SFMBT2: variants seen among roughly 807,000 people sequenced by gnomAD.
SFMBT2 encodes scm-like with four MBT domains protein 2.
SFMBT2 carries 38 observed loss-of-function variants against 110.1 expected under a neutral mutation model. That is an observed-to-expected ratio of 0.35 (90% confidence interval 0.27 to 0.45). SFMBT2 has a LOEUF of 0.45. Among genes scored for constraint, SFMBT2 ranks in the 20% least tolerant of loss-of-function variants. The probability of loss-of-function intolerance (pLI) is 1.00; values close to 1 mark genes in which losing one functional copy is unlikely to be tolerated. For missense variants in SFMBT2, 1,011 were observed against 1,094.9 expected, an observed-to-expected ratio of 0.92 and a Z score of 1.08; for synonymous variants, 425 against 425.4, an observed-to-expected ratio of 1.00 and a Z score of 0.01.
intron 1 of SFMBT2, among the ~76,000 whole-genome samples, chr10:7,383,316 C>A (rs1165941036): frequency 6.6e-6 from 1 of 151,936 alleles, no homozygotes; most frequent in Non-Finnish European, 1.5e-5. Context: ...TCAGCCTGGG[C>A]AATGTATTGA....
At chr10:7,316,795 C>T (rs1315243858) in intron 4 of SFMBT2, among the ~76,000 whole-genome samples, 1 of 152,122 alleles carries the variant, frequency 6.6e-6, no homozygotes, top group Non-Finnish European at 1.5e-5. Flanking sequence ...TGAAAAAGAT[C>T]CCCTATTGGA....
At chr10:7,329,498 G>A (rs931837097) in intron 4 of SFMBT2, 40 of 985,368 alleles carry the variant, frequency 4.1e-5, no homozygotes, top group Non-Finnish European at 4.6e-5. Flanking sequence ...AGCATGAGCT[G>A]GAGGGAGAGA....
chr10:7,397,469 C>A (rs530293573), intron 1 of SFMBT2, among the ~76,000 whole-genome samples: 1 of 152,094 alleles, frequency 6.6e-6, no homozygotes, highest in Admixed American at 6.5e-5. Context: ...TCCAGACATG[C>A]TGTAGCCACC....
chr10:7,387,335 G>A (rs775671297), intron 1 of SFMBT2, among the ~76,000 whole-genome samples: 1 of 152,160 alleles, frequency 6.6e-6, no homozygotes, highest in African/African-American at 2.4e-5. Flanking sequence ...TCTTGTGTGT[G>A]TATTAATGGA....
At chr10:7,348,740 A>G (rs984224232) in intron 4 of SFMBT2, among the ~76,000 whole-genome samples, 1 of 152,218 alleles carries the variant, frequency 6.6e-6, no homozygotes, top group Non-Finnish European at 1.5e-5. Flanking sequence ...GATTTTTTTT[A>G]AAAACTGCTT....
intron 1 of SFMBT2, among the ~76,000 whole-genome samples, chr10:7,391,465 C>CA (rs1197734483): frequency 0.14 from 11,540 of 80,876 alleles, 1,116 homozygotes; most frequent in African/African-American, 0.33. Context: ...GACTCTGTCT[C>CA]AAAAAAAAAA....
intron 4 of SFMBT2, among the ~76,000 whole-genome samples, chr10:7,292,892 C>G (rs1404105883): frequency 6.6e-6 from 1 of 151,902 alleles, no homozygotes; most frequent in East Asian, 1.9e-4. Context: ...ACTAGGAAGG[C>G]TGAGGCAGGA....
intron 7 of SFMBT2, among the ~76,000 whole-genome samples, chr10:7,272,837 G>T (rs559449125): frequency 6.6e-6 from 1 of 152,290 alleles, no homozygotes; most frequent in Admixed American, 6.5e-5. Flanking sequence ...CTGCCGCCCA[G>T]ACTGGAGTGC....
At chr10:7,350,827 A>C (rs1350300244) in intron 4 of SFMBT2, among the ~76,000 whole-genome samples, 2 of 152,236 alleles carry the variant, frequency 1.3e-5, no homozygotes, top group Non-Finnish European at 2.9e-5. Flanking sequence ...GTAGACACCA[A>C]AGAAATTTAC....
At chr10:7,364,794 C>T (rs929430223) in intron 4 of SFMBT2, among the ~76,000 whole-genome samples, 1 of 152,216 alleles carries the variant, frequency 6.6e-6, no homozygotes, top group African/African-American at 2.4e-5. Flanking sequence ...ACACGGCCCC[C>T]GGCATGAACG....
At chr10:7,319,850 CAG>C (rs1182292327) in intron 4 of SFMBT2, among the ~76,000 whole-genome samples, 1 of 120,016 alleles carries the variant, frequency 8.3e-6, no homozygotes, top group Admixed American at 8.2e-5. Context: ...GACAGAGAGA[CAG>C]AGAGAGACAC....
intron 4 of SFMBT2, among the ~76,000 whole-genome samples, chr10:7,298,308 C>T (rs1239121913): frequency 6.6e-6 from 1 of 152,146 alleles, no homozygotes; most frequent in Non-Finnish European, 1.5e-5. Context: ...GTACTGAGCA[C>T]CCCCTAGACA....
At chr10:7,183,457 A>G (rs1838302354) in intron 16 of SFMBT2, among the ~76,000 whole-genome samples, 2 of 152,234 alleles carry the variant, frequency 1.3e-5, no homozygotes, top group African/African-American at 4.8e-5. Context: ...AGCGCAGGAC[A>G]CTGAGAACCC....
At chr10:7,376,468 G>A (rs1191146609) in intron 2 of SFMBT2, among the ~76,000 whole-genome samples, 1 of 151,936 alleles carries the variant, frequency 6.6e-6, no homozygotes, top group South Asian at 2.1e-4. Context: ...GGGAGGCTGA[G>A]GTGGGCGGAT....
intron 17 of SFMBT2, 65 bp downstream of exon 17, chr10:7,175,925 A>G (rs772030742): frequency 3.4e-6 from 5 of 1,451,572 alleles, no homozygotes; most frequent in Non-Finnish European, 3.8e-6. Flanking sequence ...ACAAAAACCA[A>G]ATACCTTAGA....
chr10:7,202,184 T>C (rs1322020879), intron 13 of SFMBT2: 1 of 244,216 alleles, frequency 4.1e-6, no homozygotes, highest in African/African-American at 2.3e-5. Context: ...CTGAGAACTA[T>C]AGACACAGAC....
Position 7,171,287 on chromosome 10 carries a change from C to T in SFMBT2, c.2416-231G>A, listed in dbSNP as rs1038792837. ...GCCTTCAGATGGAAGAAGGCAGGCA[C>T]AGTGACAGTCGCTCTTGCATCCCTA... On this transcript the variant is annotated intron_variant, in intron 19 of 20. Transcript: ENST00000397167. The surrounding 1 kb of genome is among the most constrained non-coding windows in gnomAD (Gnocchi z 4.9). The T allele has an allele frequency of 1.1e-5, 9 of 806,668 alleles. No homozygotes were observed. The highest frequency in any genetic ancestry group is 3.7e-5 in the African/African-American group (2 of 53,706). The allele number at this position is 806,668 out of a possible 1,614,324, so 50.0% of individuals were successfully genotyped here. A position where few individuals can be genotyped will look rare whatever the true frequency, so the allele number is the denominator to read the frequency against.
intron 10 of SFMBT2, among the ~76,000 whole-genome samples, chr10:7,226,501 TC>T: frequency 6.6e-6 from 1 of 152,360 alleles, no homozygotes; most frequent in East Asian, 1.9e-4. Context: ...GAAGACATGC[TC>T]AGCAAACAAG....
chr10:7,358,557 G>A (rs924733989), intron 4 of SFMBT2, among the ~76,000 whole-genome samples: 6 of 146,720 alleles, frequency 4.1e-5, no homozygotes, highest in Non-Finnish European at 9.0e-5. Context: ...GGCCATGGAA[G>A]GGAGGCATGG....
Sources: allele counts gnomAD v4.1 joint callset (sites outside exome capture counted in the v4.1 genomes callset), GRCh38; gene constraint gnomAD v4.1.1; non-coding constraint Gnocchi (gnomAD v3.1); transcripts MANE v1.5; gene names NCBI Gene and HGNC (gene_info 2026-07-23, HGNC 2026-07-21).